RUNX1T1: variants seen among roughly 807,000 people sequenced by gnomAD.
RUNX1T1 encodes RUNX1 partner transcriptional co-repressor 1.
A neutral mutation model predicts 62.8 loss-of-function variants in RUNX1T1; 4 were observed. The observed-to-expected ratio is 0.06, with a 90% CI of 0.03 to 0.15. The LOEUF is 0.15. RUNX1T1 is among the 10% of genes least tolerant of loss of function. The pLI, the probability that RUNX1T1 is intolerant of heterozygous loss-of-function variation, is 1.00. For missense variants in RUNX1T1, 508 were observed against 754.3 expected (o/e 0.67, Z 3.82); for synonymous variants, 291 against 286.0 (o/e 1.02, Z -0.18).
intron 10 of RUNX1T1, among the ~76,000 whole-genome samples, chr8:91,962,863 G>C (rs1414282891): frequency 6.6e-6 from 1 of 152,204 alleles, no homozygotes; most frequent in South Asian, 2.1e-4. Context: ...CCTGGTGTGA[G>C]TCCTATCCGT....
rs181104932 is a variant in RUNX1T1 at position 91,998,019 on chromosome 8, C to T, written c.660-6130G>A. 1.2e-4 allele frequency among the ~76,000 whole-genome samples: 18 copies of T among 152,282 alleles called. No individual in the cohort carries two copies. In the East Asian group the frequency reaches 3.5e-3, roughly 29 times the overall value. ...AAACGCAGACCAAAGACATTAATAA[C>T]ATCAAACACATCTTCCTTTCCTTTT... On this transcript the variant is annotated intron_variant, in intron 5 of 10. Transcript: ENST00000396218.
At chr8:92,054,431 C>T (rs773840739) in intron 1 of RUNX1T1, among the ~76,000 whole-genome samples, 3 of 152,122 alleles carry the variant, frequency 2.0e-5, no homozygotes, top group Non-Finnish European at 2.9e-5. Context: ...CAGACAGCAT[C>T]GCTGTCTATA....
intron 7 of RUNX1T1, 71 bp downstream of exon 8, chr8:91,986,816 T>C: frequency 2.0e-6 from 2 of 1,009,418 alleles, no homozygotes. Flanking sequence ...CAAGCTTTTA[T>C]TTTATCACAT....
At chr8:92,059,403 T>C (rs1831545239) in intron 1 of RUNX1T1, among the ~76,000 whole-genome samples, 1 of 152,178 alleles carries the variant, frequency 6.6e-6, no homozygotes, top group Non-Finnish European at 1.5e-5. Flanking sequence ...TTCATTTCTG[T>C]TTTTTTACAC....
At chr8:92,026,267 A>G (rs899757416) in intron 1 of RUNX1T1, among the ~76,000 whole-genome samples, 3 of 152,244 alleles carry the variant, frequency 2.0e-5, no homozygotes, top group African/African-American at 7.2e-5. Flanking sequence ...AGGCTTAGGC[A>G]TTGTGCCAAA....
At chr8:92,059,256 G>A (rs930454515) in intron 1 of RUNX1T1, among the ~76,000 whole-genome samples, 3 of 152,148 alleles carry the variant, frequency 2.0e-5, no homozygotes, top group Non-Finnish European at 4.4e-5. Context: ...GTAAAATAGA[G>A]TGTCAGTGAA....
At chr8:91,985,261 G>A (rs1028957411) in intron 8 of RUNX1T1, among the ~76,000 whole-genome samples, 1 of 152,128 alleles carries the variant, frequency 6.6e-6, no homozygotes, top group African/African-American at 2.4e-5. Flanking sequence ...CACGTAATGG[G>A]TGGCAATGTC....
chr8:92,050,715 A>C (rs899126665), intron 1 of RUNX1T1, among the ~76,000 whole-genome samples: 1 of 152,174 alleles, frequency 6.6e-6, no homozygotes, highest in Non-Finnish European at 1.5e-5. Flanking sequence ...CATTCTTTCC[A>C]GGGTTAGTTA....
intron 1 of RUNX1T1, among the ~76,000 whole-genome samples, chr8:92,042,062 G>T (rs1587254780): frequency 6.6e-6 from 1 of 151,448 alleles, no homozygotes; most frequent in Admixed American, 6.6e-5. Flanking sequence ...ACCTCAAGAG[G>T]TCCACCTGCC....
At chr8:92,020,449 TATA>T (rs937909940) in intron 1 of RUNX1T1, among the ~76,000 whole-genome samples, 1 of 152,112 alleles carries the variant, frequency 6.6e-6, no homozygotes, top group Non-Finnish European at 1.5e-5. Flanking sequence ...TCATGGAAAT[TATA>T]GTGTCCTGGT....
chr8:92,034,777 CACAT>C (rs1434811600), intron 1 of RUNX1T1, among the ~76,000 whole-genome samples: 3 of 119,010 alleles, frequency 2.5e-5, no homozygotes, highest in Non-Finnish European at 3.8e-5. Flanking sequence ...CATATATATA[CACAT>C]ATATATATAC....
At chr8:91,973,969 G>A (rs906115012) in intron 9 of RUNX1T1, among the ~76,000 whole-genome samples, 6 of 152,110 alleles carry the variant, frequency 3.9e-5, no homozygotes, top group African/African-American at 1.2e-4. Flanking sequence ...AAAACCTACT[G>A]TAGATGATAG....
intron 1 of RUNX1T1, among the ~76,000 whole-genome samples, chr8:92,062,293 C>T (rs1182371221): frequency 2.6e-5 from 4 of 152,098 alleles, no homozygotes; most frequent in East Asian, 1.9e-4. Context: ...CGTGGCTGTA[C>T]GACCCCCTCA....
chr8:91,994,598 A>C (rs1292697303), intron 5 of RUNX1T1: 5 of 497,292 alleles, frequency 1.0e-5, no homozygotes, highest in Non-Finnish European at 2.0e-5. Context: ...AAGTCACTTA[A>C]CCTCTCTGGA....
chr8:92,054,019 C>T lies in RUNX1T1; in HGVS notation c.7+8527G>A, dbSNP rs186973034. ...TTCAGCTCTCCAGCAAAACCACCTACAAAGAAACATGAAAATCAGTAGGGG... is the reference window on the plus strand; with the variant it reads ...TTCAGCTCTCCAGCAAAACCACCTATAAAGAAACATGAAAATCAGTAGGGG... On this transcript the variant is annotated intron_variant, in intron 1 of 10. Coordinates refer to ENST00000396218, the Ensembl canonical transcript of RUNX1T1. Among the ~76,000 whole-genome samples the T allele has an allele frequency of 4.4e-4, 65 of 147,926 alleles. No individual in the cohort carries two copies. In the East Asian group the frequency reaches 8.6e-3, roughly 20 times the overall value.
At chr8:92,047,785 A>G (rs1755757831) in intron 1 of RUNX1T1, among the ~76,000 whole-genome samples, 1 of 151,904 alleles carries the variant, frequency 6.6e-6, no homozygotes, top group Non-Finnish European at 1.5e-5. Flanking sequence ...GGAAGAAAAG[A>G]CAAGAGTCCT....
intron 1 of RUNX1T1, among the ~76,000 whole-genome samples, chr8:92,040,936 T>C (rs574700824): frequency 2.6e-5 from 4 of 152,248 alleles, no homozygotes; most frequent in African/African-American, 9.6e-5. Flanking sequence ...CTCAAATTCC[T>C]GGGTTCAAAC....
chr8:91,970,033 TG>T (rs374072781), intron 10 of RUNX1T1, among the ~76,000 whole-genome samples: 10 of 51,162 alleles, frequency 2.0e-4, no homozygotes, highest in Admixed American at 8.6e-4. Flanking sequence ...TGTGTGTGTG[TG>T]TGTGTGTGTT....
intron 1 of RUNX1T1, among the ~76,000 whole-genome samples, chr8:92,043,351 C>T (rs1235139958): frequency 2.0e-5 from 3 of 151,968 alleles, no homozygotes; most frequent in Non-Finnish European, 4.4e-5. Flanking sequence ...AAACAGAGTT[C>T]TTTTCCTCTC....
Sources: gnomAD v4.1 joint callset for allele counts (sites outside exome capture counted in the v4.1 genomes callset) on GRCh38, gnomAD v4.1.1 for gene constraint, MANE v1.5 for transcripts, NCBI Gene and HGNC (gene_info 2026-07-23, HGNC 2026-07-21) for gene names.